ANKRD13A: variants seen among roughly 807,000 people sequenced by gnomAD.
The protein encoded by ANKRD13A is ankyrin repeat domain-containing protein 13A.
In ANKRD13A, 48 loss-of-function variants were observed where a neutral mutation model predicts 81.3. The ratio of observed to expected loss-of-function variants is 0.59; its 90% CI spans 0.47 to 0.75. The LOEUF (loss-of-function observed/expected upper bound fraction) is 0.75, where lower values mean the gene tolerates loss of function less well. Among genes scored for constraint, ANKRD13A ranks in the 30% least tolerant of loss-of-function variants. The probability of loss-of-function intolerance (pLI) is 0.00; values close to 1 mark genes in which losing one functional copy is unlikely to be tolerated. For synonymous variants in ANKRD13A, 230 were observed against 270.1 expected (o/e 0.85, Z 1.45); for missense variants, 612 against 734.0 (o/e 0.83, Z 1.92).
intron 2 of ANKRD13A, 60 bp downstream of exon 2, chr12:110,012,197 C>G: frequency 1.3e-6 from 2 of 1,517,658 alleles, no homozygotes; most frequent in Non-Finnish European, 1.8e-6. Context: ...AACCCTGTCT[C>G]TACAAAAAAA....
intron 1 of ANKRD13A, among the ~76,000 whole-genome samples, chr12:110,003,495 G>C (rs1347805007): frequency 1.3e-5 from 2 of 152,254 alleles, no homozygotes; most frequent in Admixed American, 6.5e-5. Context: ...GACTCAGCGT[G>C]GGGGCCACAC....
Position 110,018,271 on chromosome 12 carries a change from G to A in ANKRD13A, c.401-74G>A. The A allele has an allele frequency of 6.7e-7, 1 of 1,493,914 alleles. No individual in the cohort carries two copies. The highest frequency in any genetic ancestry group is 9.1e-7 in the Non-Finnish European group (1 of 1,099,592). The allele number at this position is 1,493,914 out of a possible 1,614,324, so 92.5% of individuals were successfully genotyped here. A position where few individuals can be genotyped will look rare whatever the true frequency, so the allele number is the denominator to read the frequency against. On this transcript the variant is annotated intron_variant, in intron 4 of 14. Transcript: ENST00000261739. This position sits in a 1 kb window ranked among gnomAD's most constrained non-coding sequence, Gnocchi z 4.4. ...CCACTCCCCTCCTTTTATTAAATCAGAATCCTGATTTCCTGGCCTAGGTAT... is the reference window on the plus strand; with the variant it reads ...CCACTCCCCTCCTTTTATTAAATCAAAATCCTGATTTCCTGGCCTAGGTAT...
intron 6 of ANKRD13A, chr12:110,021,425 CTTT>C (rs59262099): frequency 8.8e-4 from 115 of 130,124 alleles, no homozygotes; most frequent in South Asian, 4.4e-3. Context: ...TTTTTTCTTT[CTTT>C]TTTTTTTTTT....
chr12:110,013,456 T>C (rs142376760), intron 3 of ANKRD13A, among the ~76,000 whole-genome samples: 2 of 152,360 alleles, frequency 1.3e-5, no homozygotes, highest in Non-Finnish European at 2.9e-5. Context: ...GTCACTGGGC[T>C]TACCCTTTTA....
At chr12:110,012,182 G>A in intron 2 of ANKRD13A, 45 bp downstream of exon 2, 1 of 1,554,060 alleles carries the variant, frequency 6.4e-7, no homozygotes, top group Non-Finnish European at 8.8e-7. Flanking sequence ...TGAGCACCAT[G>A]GTGAAACCCT....
chr12:110,023,268 G>C (rs1348264609), intron 6 of ANKRD13A, among the ~76,000 whole-genome samples: 1 of 152,168 alleles, frequency 6.6e-6, no homozygotes, highest in Non-Finnish European at 1.5e-5. Context: ...AAGAATCAGA[G>C]CCTCCTGGCT....
intron 1 of ANKRD13A, among the ~76,000 whole-genome samples, chr12:110,010,643 G>A (rs1418341526): frequency 6.6e-6 from 1 of 152,196 alleles, no homozygotes; most frequent in Non-Finnish European, 1.5e-5. Context: ...AGCACCGGGG[G>A]AACACTGAGG....
chr12:110,037,819 G>C lies in ANKRD13A; in HGVS notation c.*265G>C, dbSNP rs996223884. 2.2e-5 allele frequency: 7 copies of C among 312,878 alleles called. No homozygotes were observed. Among genetic ancestry groups the C allele is most frequent in the Middle Eastern group, 8.8e-4 (1 of 1,142 alleles). The allele number at this position is 312,878 out of a possible 1,614,324, so 19.4% of individuals were successfully genotyped here. On this transcript the variant is annotated 3_prime_UTR_variant, in exon 15 of 15. Transcript: ENST00000261739. ...TCATCACTTTCCATTAGCTGTATTG[G>C]CTTGCAGGTCACATTTTTACTACCA...
chr12:110,037,554 G>A lies in ANKRD13A; in HGVS notation c.1773G>A (p.Ter591=). 1 of 1,612,434 alleles carries A rather than the reference G, an allele frequency of 6.2e-7. No individual in the cohort carries two copies. Among genetic ancestry groups the A allele is most frequent in the Non-Finnish European group, 8.5e-7 (1 of 1,179,778 alleles). ...QVLQLSLTDK[*] ...TACAGCTGTCACTCACTGACAAATA[G>A]ACCTTTCAGCCTGTGAGCCTCTGCA... Residue 591 remains the stop codon, a stop_retained_variant, in exon 15 of 15, where the codon TAG becomes TAA. Transcript: ENST00000261739.
chr12:110,010,872 G>A (rs1327390985), intron 1 of ANKRD13A, among the ~76,000 whole-genome samples: 1 of 152,190 alleles, frequency 6.6e-6, no homozygotes, highest in Non-Finnish European at 1.5e-5. Flanking sequence ...TGCAGGGGTA[G>A]TTAGTACCTG....
chr12:110,037,055 C>G (rs35367681), intron 14 of ANKRD13A, among the ~76,000 whole-genome samples: 1 of 152,110 alleles, frequency 6.6e-6, no homozygotes, highest in South Asian at 2.1e-4. Context: ...ATTCATTTTA[C>G]GAAGACTTAT....
chr12:110,033,313 C>G (rs1013001734), intron 12 of ANKRD13A, among the ~76,000 whole-genome samples: 1 of 151,720 alleles, frequency 6.6e-6, no homozygotes, highest in Admixed American at 6.6e-5. Context: ...CTGCCTGCCT[C>G]AGCCTCCCAA....
intron 6 of ANKRD13A, 75 bp from the exon 7 acceptor site, chr12:110,023,971 A>G (rs1891196828): frequency 1.3e-5 from 19 of 1,454,932 alleles, no homozygotes; most frequent in Non-Finnish European, 1.7e-5. Flanking sequence ...GGGGAAAAAA[A>G]CTATAAAGGC....
chr12:110,011,435 G>A (rs1017578248), intron 1 of ANKRD13A, among the ~76,000 whole-genome samples: 1 of 152,170 alleles, frequency 6.6e-6, no homozygotes, highest in African/African-American at 2.4e-5. Flanking sequence ...TCATGCTTGC[G>A]GTCTGAAGGA....
intron 6 of ANKRD13A, chr12:110,023,825 A>G (rs1202749663): frequency 4.3e-6 from 2 of 462,564 alleles, no homozygotes; most frequent in Non-Finnish European, 7.8e-6. Flanking sequence ...GAGGCTTTCT[A>G]TGCCTGGGGT....
At chr12:110,011,669 T>C (rs139503139) in intron 1 of ANKRD13A, among the ~76,000 whole-genome samples, 27 of 152,340 alleles carry the variant, frequency 1.8e-4, no homozygotes, top group Middle Eastern at 6.8e-3. Context: ...TGTCCGGTGA[T>C]TGCATTTCAT....
intron 1 of ANKRD13A, among the ~76,000 whole-genome samples, chr12:110,010,790 T>C (rs958741170): frequency 6.6e-6 from 1 of 152,218 alleles, no homozygotes; most frequent in Non-Finnish European, 1.5e-5. Flanking sequence ...TTGATAGCTA[T>C]TGGATTGTGG....
chr12:110,009,660 G>A (rs202016663), intron 1 of ANKRD13A, among the ~76,000 whole-genome samples: 3 of 151,296 alleles, frequency 2.0e-5, no homozygotes, highest in African/African-American at 4.9e-5. Context: ...ATTTTTTTTC[G>A]ACTGCCTCTT....
At chr12:110,034,009 G>T in intron 13 of ANKRD13A, 52 bp downstream of exon 13, 1 of 1,493,446 alleles carries the variant, frequency 6.7e-7, no homozygotes. Flanking sequence ...CTTACCCTCT[G>T]GGTTAGCCTC....
Sources: allele counts gnomAD v4.1 joint callset (sites outside exome capture counted in the v4.1 genomes callset), GRCh38; gene constraint gnomAD v4.1.1; non-coding constraint Gnocchi (gnomAD v3.1); transcripts MANE v1.5; gene names NCBI Gene and HGNC (gene_info 2026-07-23, HGNC 2026-07-21).